The following LTBP2 variants were observed in gnomAD, a reference collection of about 807,000 sequenced individuals.
LTBP2 encodes the protein latent transforming growth factor beta binding protein 2, also known as latent-transforming growth factor beta-binding protein 2.
In LTBP2, 103 loss-of-function variants were observed where a neutral mutation model predicts 210.6. The observed-to-expected ratio is 0.49, with a 90% confidence interval of 0.42 to 0.58. The LOEUF (loss-of-function observed/expected upper bound fraction) is 0.58. Ranked by LOEUF, LTBP2 falls within the 20% of genes least tolerant of loss-of-function variation. The pLI, the probability that LTBP2 is intolerant of heterozygous loss-of-function variation, is 0.00. For synonymous variants in LTBP2, 1,007 were observed against 1,015.0 expected (o/e 0.99, Z 0.15); for missense variants, 2,313 against 2,494.5 (o/e 0.93, Z 1.55).
In LTBP2 at chr14:74,537,260, T is replaced by C. The variant is rs118068688; in HGVS notation, c.1790-1260A>G. Among the ~76,000 whole-genome samples, 28 of 152,038 alleles carry C rather than the reference T, an allele frequency of 1.8e-4. No homozygotes were observed. In the East Asian group the frequency reaches 5.2e-3, roughly 28 times the overall value. Reference sequence around the variant, plus strand: ...TAGTGTGCCAACCCTCTTGAAAAGCTCTAGCAGGAGGCATACTTCTGATCG... The same window carrying C: ...TAGTGTGCCAACCCTCTTGAAAAGCCCTAGCAGGAGGCATACTTCTGATCG... On this transcript the variant is annotated intron_variant, in intron 8 of 35. Coordinates refer to ENST00000261978, the MANE Select transcript of LTBP2 (RefSeq NM_000428.3).
chr14:74,514,825 G>A (rs2087114781), intron 18 of LTBP2, among the ~76,000 whole-genome samples: 1 of 152,162 alleles, frequency 6.6e-6, no homozygotes, highest in South Asian at 2.1e-4. Flanking sequence ...GAAATTGACT[G>A]GGCTCCCAGG....
At chr14:74,504,943 G>A (rs771254088) in intron 29 of LTBP2, 40 bp downstream of exon 29, 1 of 1,612,788 alleles carries the variant, frequency 6.2e-7, no homozygotes, top group South Asian at 1.1e-5. Context: ...TCACCTTGCA[G>A]AGCTGACCCT....
chr14:74,505,830 C>G lies in LTBP2; in HGVS notation c.4177+218G>C, dbSNP rs11850571. ...AGCATCAGGGTTTCCTGAGCCTCCT[C>G]TAGGATCGTCGCCACCCTGTAGCTC... On this transcript the variant is annotated intron_variant, in intron 28 of 35. Transcript: ENST00000261978. Among the ~76,000 whole-genome samples the G allele has an allele frequency of 5.8e-3, 883 of 152,286 alleles. 11 individuals are homozygous for G. Among genetic ancestry groups the G allele is most frequent in the African/African-American group, 0.02 (844 of 41,540 alleles).
chr14:74,526,194 A>C, intron 13 of LTBP2, 80 bp from the exon 14 acceptor site: 1 of 1,385,748 alleles, frequency 7.2e-7, no homozygotes, highest in Non-Finnish European at 1.0e-6. Context: ...ACTGACCCCC[A>C]CCTCCGGGCT....
At chr14:74,589,728 G>A (rs542211460) in intron 2 of LTBP2, among the ~76,000 whole-genome samples, 4 of 152,316 alleles carry the variant, frequency 2.6e-5, no homozygotes, top group South Asian at 2.1e-4. Flanking sequence ...CAGCAGCCAC[G>A]CCAGTGCTAG....
intron 3 of LTBP2, among the ~76,000 whole-genome samples, chr14:74,577,690 G>A (rs570500124): frequency 1.3e-5 from 2 of 151,988 alleles, no homozygotes; most frequent in South Asian, 2.1e-4. Context: ...TGTATCTTTA[G>A]TAGAAATGGG....
chr14:74,531,165 G>A (rs973371151), intron 10 of LTBP2, among the ~76,000 whole-genome samples: 2 of 152,206 alleles, frequency 1.3e-5, no homozygotes, highest in Non-Finnish European at 2.9e-5. Flanking sequence ...CAGGCGGCAG[G>A]GAGGGAAGGA....
chr14:74,528,830 A>C (rs1212804927), intron 11 of LTBP2, 128 bp downstream of exon 11: 1 of 1,511,942 alleles, frequency 6.6e-7, no homozygotes, highest in Non-Finnish European at 9.0e-7. Flanking sequence ...GGTTGGGATA[A>C]GCACGTGAGC....
Position 74,549,954 on chromosome 14 carries a change from A to G in LTBP2, c.1698T>C (p.Pro566=). The G allele has an allele frequency of 6.2e-7, 1 of 1,613,266 alleles. No homozygotes were observed. Residue 566 remains proline (P), a synonymous_variant, in exon 8 of 36, where the codon CCT becomes CCC. Coordinates refer to ENST00000261978, the MANE Select transcript of LTBP2 (RefSeq NM_000428.3). The part of the protein sequence containing the change: ...LNTVNGQCAN[P]LLELTTQEDC... ...CCTCCTGGGTAGTCAGCTCCAGCAG[A>G]GGGTTGGCACACTGGAAGGAGAGGC...
At chr14:74,603,535 G>A in intron 2 of LTBP2, 100 bp downstream of exon 2, 1 of 1,191,302 alleles carries the variant, frequency 8.4e-7, no homozygotes, top group Admixed American at 1.7e-5. Flanking sequence ...TCTGCTCCAG[G>A]TTCTGGAGTA....
chr14:74,550,996 G>T, intron 7 of LTBP2, 68 bp downstream of exon 7: 3 of 1,578,754 alleles, frequency 1.9e-6, no homozygotes, highest in Non-Finnish European at 1.7e-6. Flanking sequence ...GAGAGGAGGA[G>T]AAGGGCAGAC....
intron 19 of LTBP2, 119 bp from the exon 20 acceptor site, chr14:74,510,332 G>A: frequency 1.4e-6 from 2 of 1,459,770 alleles, no homozygotes; most frequent in Non-Finnish European, 1.9e-6. Context: ...GGGGCCGCAG[G>A]CCACCTGGGG....
At chr14:74,601,868 C>T (rs1213981478) in intron 2 of LTBP2, among the ~76,000 whole-genome samples, 8 of 152,130 alleles carry the variant, frequency 5.3e-5, no homozygotes, top group South Asian at 2.1e-4. Flanking sequence ...GCCCTCCTAC[C>T]GAGAAGGGCC....
In LTBP2 at chr14:74,611,970, C is replaced by T. The variant is rs758491780; in HGVS notation, c.-26G>A. On this transcript the variant is annotated 5_prime_UTR_variant, in exon 1 of 36. Transcript: ENST00000261978. ...GGCGCGGGGCGGCTGGAGAGTGGTG[C>T]GCGCGGGCACCGCGAAGAGCTTTGT... The T allele has an allele frequency of 9.1e-6, 14 of 1,536,648 alleles. No individual in the cohort carries two copies. Among genetic ancestry groups the T allele is most frequent in the Non-Finnish European group, 1.2e-5 (14 of 1,149,940 alleles).
intron 8 of LTBP2, among the ~76,000 whole-genome samples, chr14:74,543,246 C>A (rs926714820): frequency 6.6e-6 from 1 of 151,698 alleles, no homozygotes; most frequent in Non-Finnish European, 1.5e-5. Flanking sequence ...GGTGTGATGG[C>A]GGGCACCTGT....
At chr14:74,522,136 GGA>G in intron 16 of LTBP2, 97 bp from the exon 17 acceptor site, 1 of 1,400,742 alleles carries the variant, frequency 7.1e-7, no homozygotes, top group Non-Finnish European at 9.9e-7. Context: ...GCTGGGCAGG[GGA>G]TGGTGCTGTG....
At chr14:74,507,461 T>A in intron 25 of LTBP2, 151 bp from the exon 26 acceptor site, 1 of 1,093,322 alleles carries the variant, frequency 9.1e-7, no homozygotes, top group South Asian at 1.3e-5. Flanking sequence ...TCAGGACGAT[T>A]TCCCCTGACC....
chr14:74,601,671 T>C (rs982190717), intron 2 of LTBP2, among the ~76,000 whole-genome samples: 3 of 152,186 alleles, frequency 2.0e-5, no homozygotes, highest in African/African-American at 7.2e-5. Flanking sequence ...GCCAAGAGCT[T>C]GGTGAACCCA....
intron 12 of LTBP2, 66 bp from the exon 13 acceptor site, chr14:74,527,432 C>T (rs1005162527): frequency 2.6e-6 from 4 of 1,563,936 alleles, no homozygotes; most frequent in African/African-American, 2.7e-5. Context: ...CCCTCACCGC[C>T]ACCTGGGCGG....
Sources: gnomAD v4.1 joint callset for allele counts (sites outside exome capture counted in the v4.1 genomes callset) on GRCh38, gnomAD v4.1.1 for gene constraint, MANE v1.5 for transcripts, NCBI Gene and HGNC (gene_info 2026-07-23, HGNC 2026-07-21) for gene names.